The following NGEF variants were observed in gnomAD, a reference collection of about 807,000 sequenced individuals.
NGEF encodes the protein neuronal guanine nucleotide exchange factor.
NGEF carries 31 observed loss-of-function variants against 80.9 expected under a neutral mutation model. That is an observed-to-expected ratio of 0.38 (90% confidence interval 0.29 to 0.52). NGEF has a LOEUF of 0.52. NGEF is among the 20% of genes least tolerant of loss of function. The pLI, the probability that NGEF is intolerant of heterozygous loss-of-function variation, is 0.84. For synonymous variants in NGEF, 371 were observed against 370.2 expected (o/e 1.00, Z -0.03); for missense variants, 709 against 926.2 (o/e 0.77, Z 3.04).
intron 5 of NGEF, chr2:232,905,500 T>A (rs1692481814): frequency 3.5e-6 from 1 of 281,876 alleles, no homozygotes; most frequent in South Asian, 2.9e-5. Context: ...AGTGCGGAGA[T>A]TGCAGCCTCT....
chr2:233,009,946 G>A (rs950757784), intron 1 of NGEF, among the ~76,000 whole-genome samples: 33 of 152,094 alleles, frequency 2.2e-4, no homozygotes, highest in Non-Finnish European at 2.9e-5. Context: ...CACCTTGCCT[G>A]TAGTGCAATG....
At chr2:232,955,405 A>G (rs141765959) in intron 3 of NGEF, among the ~76,000 whole-genome samples, 2 of 152,298 alleles carry the variant, frequency 1.3e-5, no homozygotes, top group East Asian at 3.9e-4. Context: ...ATTGTCTGCT[A>G]TGATGTCCTT....
chr2:232,914,141 T>C (rs1692744580), intron 5 of NGEF, among the ~76,000 whole-genome samples: 1 of 152,200 alleles, frequency 6.6e-6, no homozygotes, highest in South Asian at 2.1e-4. Context: ...ACAGTGTCTA[T>C]AGCTGCTGTC....
chr2:232,903,436 GCA>G lies in NGEF; in HGVS notation c.829-8522_829-8521del, dbSNP rs35757997. On this transcript the variant is annotated intron_variant, in intron 5 of 14. Transcript: ENST00000264051. ...TAGTTTACATTTGTGTGACATGAGG[GCA>G]CACACACACACACACACACACACCT... is the stretch of plus-strand genomic sequence containing the variant. 8.3e-3 allele frequency among the ~76,000 whole-genome samples: 1,229 copies of G among 148,364 alleles called. 20 individuals carry two copies. Among genetic ancestry groups the G allele is most frequent in the African/African-American group, 0.026 (1,048 of 40,650 alleles).
At chr2:232,936,227 C>T (rs912389949) in intron 3 of NGEF, among the ~76,000 whole-genome samples, 6 of 152,126 alleles carry the variant, frequency 3.9e-5, no homozygotes, top group East Asian at 1.9e-4. Context: ...AGTATTTTAC[C>T]GGTGAGGTGG....
Position 232,892,012 on chromosome 2 carries a change from G to T in NGEF, c.1143-525C>A, listed in dbSNP as rs1691900475. 6.6e-6 allele frequency among the ~76,000 whole-genome samples: 1 copy of T among 152,130 alleles called. No homozygotes were observed. Among genetic ancestry groups the T allele is most frequent in the African/African-American group, 2.4e-5 (1 of 41,412 alleles). On this transcript the variant is annotated intron_variant, in intron 7 of 14. Coordinates refer to ENST00000264051, the MANE Select transcript of NGEF (RefSeq NM_019850.3). This position sits in a 1 kb window ranked among gnomAD's most constrained non-coding sequence, Gnocchi z 4.0. ...CAGCAGGGACAGCAGGGACGGCAGGGACAGGTGCTCAGCCTGTCACTCAGC... is the reference window on the plus strand; with the variant it reads ...CAGCAGGGACAGCAGGGACGGCAGGTACAGGTGCTCAGCCTGTCACTCAGC...
intron 1 of NGEF, among the ~76,000 whole-genome samples, chr2:232,975,294 G>A (rs577642534): frequency 6.6e-6 from 1 of 152,278 alleles, no homozygotes; most frequent in African/African-American, 2.4e-5. Flanking sequence ...GGAATTCCAG[G>A]AAAGCATTGA....
rs1389129633 is a variant in NGEF at position 232,879,258 on chromosome 2, T to C, written c.*231A>G. The C allele has an allele frequency of 2.6e-5, 13 of 508,914 alleles. No individual in the cohort carries two copies. The highest frequency in any genetic ancestry group is 9.1e-5 in the East Asian group (3 of 32,912). 31.5% of individuals were successfully genotyped at this position (508,914 alleles called of 1,614,324 possible). ...GAGGTGGTGTAATACTGCTGAAACC[T>C]TCTTGTTTACAAATGCATCAGGAGA... On this transcript the variant is annotated 3_prime_UTR_variant, in exon 15 of 15. Transcript: ENST00000264051.
At chr2:233,008,954 G>A (rs540989983) in intron 1 of NGEF, among the ~76,000 whole-genome samples, 3 of 151,766 alleles carry the variant, frequency 2.0e-5, no homozygotes, top group East Asian at 1.9e-4. Context: ...GTGCCACTAC[G>A]CCCAGTTAAT....
chr2:232,968,040 C>T (rs1694100843), intron 3 of NGEF, among the ~76,000 whole-genome samples: 5 of 151,290 alleles, frequency 3.3e-5, no homozygotes, highest in Admixed American at 2.0e-4. Context: ...TATCCACTGT[C>T]CCCTTCTTCC....
intron 10 of NGEF, among the ~76,000 whole-genome samples, chr2:232,884,698 G>A (rs1691619505): frequency 6.6e-6 from 1 of 152,206 alleles, no homozygotes; most frequent in Non-Finnish European, 1.5e-5. Flanking sequence ...GCGCCTGGCA[G>A]CCATCGGTCA....
intron 5 of NGEF, among the ~76,000 whole-genome samples, chr2:232,913,255 T>A (rs1420177438): frequency 6.6e-6 from 1 of 152,250 alleles, no homozygotes; most frequent in East Asian, 1.9e-4. Context: ...ACCCAGGGAT[T>A]ATTGAGAAGT....
chr2:232,965,548 G>C (rs916939168), intron 3 of NGEF, among the ~76,000 whole-genome samples: 4 of 152,126 alleles, frequency 2.6e-5, no homozygotes, highest in African/African-American at 9.7e-5. Flanking sequence ...GACCCCGGGA[G>C]TCTCACATCA....
chr2:232,956,492 G>T lies in NGEF; in HGVS notation c.383+13722C>A, dbSNP rs116331956. 6.1e-3 allele frequency among the ~76,000 whole-genome samples: 933 copies of T among 152,228 alleles called. 15 individuals carry two copies. The highest frequency in any genetic ancestry group is 0.021 in the African/African-American group (890 of 41,532). ...AGTTTAAGAACCAGAATTAGGCTGG[G>T]CACAGTGGCTCACACCTGTAATCCC... On this transcript the variant is annotated intron_variant, in intron 3 of 14. Transcript: ENST00000264051.
chr2:232,992,029 A>C (rs556195811), intron 1 of NGEF, among the ~76,000 whole-genome samples: 1 of 152,340 alleles, frequency 6.6e-6, no homozygotes, highest in East Asian at 1.9e-4. Context: ...GACACAGGCC[A>C]AAGAATGAAT....
chr2:232,914,460 T>G (rs1021810184), intron 5 of NGEF, among the ~76,000 whole-genome samples: 3 of 152,102 alleles, frequency 2.0e-5, no homozygotes, highest in Admixed American at 1.3e-4. Context: ...CTCAGCACTT[T>G]GGGAGGCTGA....
intron 5 of NGEF, among the ~76,000 whole-genome samples, chr2:232,904,897 C>T (rs894842079): frequency 4.6e-5 from 7 of 152,156 alleles, no homozygotes; most frequent in African/African-American, 1.7e-4. Context: ...GAGCTGTGAT[C>T]GCACCACTGC....
At chr2:232,998,223 G>C (rs1694896415) in intron 1 of NGEF, among the ~76,000 whole-genome samples, 1 of 152,170 alleles carries the variant, frequency 6.6e-6, no homozygotes, top group Non-Finnish European at 1.5e-5. Flanking sequence ...AACCCCAGGG[G>C]ATGGGGTGGG....
intron 2 of NGEF, among the ~76,000 whole-genome samples, chr2:232,971,481 T>A (rs1694182836): frequency 6.6e-6 from 1 of 152,086 alleles, no homozygotes; most frequent in South Asian, 2.1e-4. Context: ...GGTCAGGAGT[T>A]CGAAACCAGC....
Sources: allele counts gnomAD v4.1 joint callset (sites outside exome capture counted in the v4.1 genomes callset), GRCh38; gene constraint gnomAD v4.1.1; non-coding constraint Gnocchi (gnomAD v3.1); transcripts MANE v1.5; gene names NCBI Gene and HGNC (gene_info 2026-07-23, HGNC 2026-07-21).